Variants in MTSS1 observed in about 807,000 individuals in gnomAD.
The protein encoded by MTSS1 is protein MTSS 1.
MTSS1 carries 18 observed loss-of-function variants against 79.0 expected under a neutral mutation model. The ratio of observed to expected loss-of-function variants is 0.23; its 90% CI spans 0.16 to 0.34. The LOEUF is 0.34. MTSS1 is among the 10% of genes least tolerant of loss of function. MTSS1 has a pLI of 1.00. For synonymous variants in MTSS1, 341 were observed against 368.6 expected, an observed-to-expected ratio of 0.93 and a Z score of 0.86; for missense variants, 815 against 986.2, an observed-to-expected ratio of 0.83 and a Z score of 2.33.
intron 3 of MTSS1, among the ~76,000 whole-genome samples, chr8:124,622,649 G>T (rs796756115): frequency 3.3e-5 from 5 of 152,042 alleles, no homozygotes; most frequent in African/African-American, 1.2e-4. Context: ...ACAACAATTA[G>T]CTGGTCTTGG....
At chr8:124,700,185 T>C (rs139061940) in intron 2 of MTSS1, among the ~76,000 whole-genome samples, 1 of 151,664 alleles carries the variant, frequency 6.6e-6, no homozygotes, top group African/African-American at 2.4e-5. Context: ...CAAAGTTTTA[T>C]ACAGGAGGAA....
chr8:124,559,639 T>A (rs912048342), intron 10 of MTSS1, among the ~76,000 whole-genome samples: 19 of 152,204 alleles, frequency 1.2e-4, no homozygotes, highest in African/African-American at 4.6e-4. Context: ...CTTCCTGATG[T>A]TCAGCTGGGG....
intron 3 of MTSS1, among the ~76,000 whole-genome samples, chr8:124,667,344 C>CA (rs966911557): frequency 3.9e-4 from 58 of 148,568 alleles, no homozygotes; most frequent in South Asian, 1.5e-3. Flanking sequence ...TATTTTACCA[C>CA]AAAAAAAAAA....
intron 1 of MTSS1, among the ~76,000 whole-genome samples, chr8:124,723,383 AC>A (rs530106277): frequency 2.6e-4 from 40 of 152,294 alleles, no homozygotes; most frequent in African/African-American, 9.4e-4. Flanking sequence ...GCAAACCAGG[AC>A]CTAGGAATGA....
intron 3 of MTSS1, among the ~76,000 whole-genome samples, chr8:124,680,579 C>T (rs1023466898): frequency 6.6e-6 from 1 of 152,240 alleles, no homozygotes; most frequent in Non-Finnish European, 1.5e-5. Flanking sequence ...TCTAACATAA[C>T]ATTTCTACAG....
intron 3 of MTSS1, among the ~76,000 whole-genome samples, chr8:124,643,739 T>TCAAAA (rs1340815891): frequency 6.8e-6 from 1 of 146,006 alleles, no homozygotes; most frequent in Non-Finnish European, 1.5e-5. Flanking sequence ...AAATCTGTAC[T>TCAAAA]CAAAACTTTG....
At chr8:124,640,373 A>T (rs1031645516) in intron 3 of MTSS1, among the ~76,000 whole-genome samples, 1 of 152,226 alleles carries the variant, frequency 6.6e-6, no homozygotes, top group Admixed American at 6.5e-5. Context: ...TTCATTCCTC[A>T]ATCTTGTGAA....
rs1833040036 is a variant in MTSS1, at chr8:124,597,877, T to C, written c.209-6642A>G. ...GAGGAGAGGAGAACGCTCTCAGGCA[T>C]CTCTGCAGGAGAGGGGTGCAGGGCA... is the stretch of plus-strand genomic sequence containing the variant. On this transcript the variant is annotated intron_variant, in intron 3 of 13. Transcript: ENST00000518547. The surrounding 1 kb of genome is among the most constrained non-coding windows in gnomAD (Gnocchi z 4.6). Among the ~76,000 whole-genome samples the C allele has an allele frequency of 6.6e-6, 1 of 152,166 alleles. No individual in the cohort carries two copies. The highest frequency in any genetic ancestry group is 6.5e-5 in the Admixed American group (1 of 15,280).
At chr8:124,642,047 A>G (rs988036473) in intron 3 of MTSS1, among the ~76,000 whole-genome samples, 2 of 152,208 alleles carry the variant, frequency 1.3e-5, no homozygotes, top group Non-Finnish European at 2.9e-5. Context: ...CAGTAAATAG[A>G]AAGTCTCCAA....
chr8:124,637,927 T>C (rs902654272), intron 3 of MTSS1, among the ~76,000 whole-genome samples: 4 of 152,236 alleles, frequency 2.6e-5, no homozygotes, highest in African/African-American at 9.6e-5. Flanking sequence ...TATCCTCTTA[T>C]AGAAGACTTA....
At chr8:124,641,597 C>T (rs1211596524) in intron 3 of MTSS1, among the ~76,000 whole-genome samples, 3 of 152,214 alleles carry the variant, frequency 2.0e-5, no homozygotes, top group Non-Finnish European at 4.4e-5. Flanking sequence ...CCCACAGTGC[C>T]TAGCAACATG....
chr8:124,625,749 G>T (rs1225638022), intron 3 of MTSS1, among the ~76,000 whole-genome samples: 1 of 152,328 alleles, frequency 6.6e-6, no homozygotes, highest in East Asian at 1.9e-4. Flanking sequence ...TTCTTTAAAT[G>T]CATCTAGTTC....
At chr8:124,573,184 C>G (rs1420226377) in intron 6 of MTSS1, among the ~76,000 whole-genome samples, 1 of 152,232 alleles carries the variant, frequency 6.6e-6, no homozygotes, top group Non-Finnish European at 1.5e-5. Context: ...ATAGCCTCAG[C>G]CTTTGTGGGC....
In MTSS1 at chr8:124,553,754, G is replaced by T; in HGVS notation, c.1568-62C>A. 1.4e-6 allele frequency: 2 copies of T among 1,467,654 alleles called. No homozygotes were observed. The highest frequency in any genetic ancestry group is 2.6e-5 in the South Asian group (2 of 77,070). 90.9% of individuals were successfully genotyped at this position (1,467,654 alleles called of 1,614,324 possible). A position where few individuals can be genotyped will look rare whatever the true frequency, so the allele number is the denominator to read the frequency against. On this transcript the variant is annotated intron_variant, in intron 13 of 13. Coordinates refer to ENST00000518547, the MANE Select transcript of MTSS1 (RefSeq NM_014751.6). This position sits in a 1 kb window ranked among gnomAD's most constrained non-coding sequence, Gnocchi z 6.0. The stretch of plus-strand genomic sequence containing the variant: ...CAGCTGTGCTTTTTTGATTCTTCTG[G>T]GCTGGGAGGACAAAAGGCACGCAAG...
intron 10 of MTSS1, among the ~76,000 whole-genome samples, chr8:124,559,274 AT>A (rs996593265): frequency 2.6e-5 from 4 of 152,090 alleles, no homozygotes; most frequent in African/African-American, 9.7e-5. Flanking sequence ...CATAGGTGTT[AT>A]TTATTGCATG....
intron 3 of MTSS1, among the ~76,000 whole-genome samples, chr8:124,604,948 C>A (rs1041789099): frequency 4.6e-5 from 7 of 152,210 alleles, no homozygotes; most frequent in Non-Finnish European, 8.8e-5. Flanking sequence ...GCCACAAAGA[C>A]CAATATTCCT....
At chr8:124,679,435 C>T (rs1358620627) in intron 3 of MTSS1, among the ~76,000 whole-genome samples, 3 of 152,164 alleles carry the variant, frequency 2.0e-5, no homozygotes, top group Admixed American at 6.5e-5. Context: ...AGTCCCATCT[C>T]GGATCAGTAA....
intron 3 of MTSS1, among the ~76,000 whole-genome samples, chr8:124,682,559 T>C (rs73704188): frequency 0.026 from 3,939 of 152,284 alleles, 171 homozygotes; most frequent in African/African-American, 0.091. Context: ...ACAGCCTCCA[T>C]TCCTGCAGGG....
At chr8:124,650,369 G>A (rs557800541) in intron 3 of MTSS1, among the ~76,000 whole-genome samples, 2 of 152,228 alleles carry the variant, frequency 1.3e-5, no homozygotes, top group Middle Eastern at 3.4e-3. Flanking sequence ...CCACACTCCT[G>A]TTGCTTCAAC....
Sources: allele counts gnomAD v4.1 joint callset (sites outside exome capture counted in the v4.1 genomes callset), GRCh38; gene constraint gnomAD v4.1.1; non-coding constraint Gnocchi (gnomAD v3.1); transcripts MANE v1.5; gene names NCBI Gene and HGNC (gene_info 2026-07-23, HGNC 2026-07-21).